Variants in CPEB1 observed in about 807,000 individuals in gnomAD.
The protein encoded by CPEB1 is cytoplasmic polyadenylation element-binding protein 1.
A neutral mutation model predicts 65.8 loss-of-function variants in CPEB1; 7 were observed. The ratio of observed to expected loss-of-function variants is 0.11; its 90% CI spans 0.06 to 0.20. The LOEUF is 0.20. Ranked by LOEUF, CPEB1 falls within the 10% of genes least tolerant of loss-of-function variation. The pLI is 1.00. For missense variants in CPEB1, 551 were observed against 712.2 expected, an observed-to-expected ratio of 0.77 and a Z score of 2.58; for synonymous variants, 262 against 260.0, an observed-to-expected ratio of 1.01 and a Z score of -0.08.
At chr15:82,566,397 T>C (rs992239019) in intron 4 of CPEB1, among the ~76,000 whole-genome samples, 5 of 152,152 alleles carry the variant, frequency 3.3e-5, no homozygotes, top group African/African-American at 1.2e-4. Context: ...CCATCCTTGG[T>C]TCTAGGTTGC....
At chr15:82,626,414 C>A (rs943280101) in intron 3 of CPEB1, among the ~76,000 whole-genome samples, 9 of 152,058 alleles carry the variant, frequency 5.9e-5, no homozygotes, top group Non-Finnish European at 1.0e-4. Flanking sequence ...AACCTGGCAA[C>A]AGAGTGAGAC....
chr15:82,594,428 T>A (rs1474414712), intron 3 of CPEB1, among the ~76,000 whole-genome samples: 1 of 152,132 alleles, frequency 6.6e-6, no homozygotes, highest in East Asian at 1.9e-4. Context: ...GCTTCCAAAT[T>A]TTCTTGTGCA....
chr15:82,597,391 T>C (rs1000826096), intron 3 of CPEB1, among the ~76,000 whole-genome samples: 3 of 152,226 alleles, frequency 2.0e-5, no homozygotes, highest in African/African-American at 7.2e-5. Flanking sequence ...GACTGAGCCC[T>C]GAACAAAGAG....
chr15:82,607,760 G>A (rs973140543), intron 3 of CPEB1, among the ~76,000 whole-genome samples: 4 of 152,024 alleles, frequency 2.6e-5, no homozygotes, highest in Non-Finnish European at 5.9e-5. Flanking sequence ...TATAATAAAA[G>A]GGTTAATCTA....
intron 10 of CPEB1, among the ~76,000 whole-genome samples, chr15:82,548,131 T>C (rs1252450142): frequency 5.9e-5 from 9 of 152,088 alleles, no homozygotes; most frequent in Admixed American, 5.9e-4. Context: ...GGTCAAGAGA[T>C]GGAGACCATC....
At chr15:82,547,671 T>C (rs542871788) in intron 10 of CPEB1, among the ~76,000 whole-genome samples, 1 of 146,610 alleles carries the variant, frequency 6.8e-6, no homozygotes, top group African/African-American at 2.4e-5. Context: ...TGAGCTACTA[T>C]GTAACTTTAT....
intron 3 of CPEB1, among the ~76,000 whole-genome samples, chr15:82,622,369 A>C (rs1347156972): frequency 6.6e-6 from 1 of 151,742 alleles, no homozygotes; most frequent in African/African-American, 2.4e-5. Context: ...CTTGTATATA[A>C]ACGGGGAATT....
chr15:82,604,100 G>C (rs1172576520), intron 3 of CPEB1, among the ~76,000 whole-genome samples: 1 of 152,168 alleles, frequency 6.6e-6, no homozygotes, highest in African/African-American at 2.4e-5. Context: ...TGTAATCCCA[G>C]CACTTTGAGA....
intron 1 of CPEB1, among the ~76,000 whole-genome samples, chr15:82,637,432 A>T (rs956478412): frequency 9.2e-5 from 14 of 152,096 alleles, no homozygotes; most frequent in African/African-American, 3.4e-4. Flanking sequence ...ACCTTTGTAA[A>T]CATCATCAGG....
intron 3 of CPEB1, among the ~76,000 whole-genome samples, chr15:82,575,485 GA>G (rs1567194817): frequency 1.3e-5 from 2 of 152,008 alleles, no homozygotes; most frequent in Admixed American, 6.6e-5. Context: ...TTATCACAAC[GA>G]AAAACTTCTG....
chr15:82,553,322 T>G (rs982414591), intron 8 of CPEB1, 145 bp downstream of exon 8: 1 of 636,226 alleles, frequency 1.6e-6, no homozygotes, highest in Non-Finnish European at 2.9e-6. Context: ...GAGAAAGTGC[T>G]GACAGATGGC....
chr15:82,545,750 G>A (rs1244577422), intron 12 of CPEB1, among the ~76,000 whole-genome samples: 1 of 152,132 alleles, frequency 6.6e-6, no homozygotes, highest in Non-Finnish European at 1.5e-5. Context: ...AAGTCGTCCA[G>A]AAGTTCAGAT....
chr15:82,590,559 A>C (rs1314396155), intron 3 of CPEB1, among the ~76,000 whole-genome samples: 2 of 152,104 alleles, frequency 1.3e-5, no homozygotes, highest in East Asian at 3.9e-4. Context: ...TTATATGAGT[A>C]AACTCGTGAA....
chr15:82,615,167 C>T (rs914260898), intron 3 of CPEB1, among the ~76,000 whole-genome samples: 2 of 152,128 alleles, frequency 1.3e-5, no homozygotes, highest in Admixed American at 6.5e-5. Flanking sequence ...TGTACCCTAT[C>T]TTTGTTTGGG....
chr15:82,627,130 G>A (rs1211385277), intron 3 of CPEB1, 63 bp downstream of exon 3: 17 of 1,296,668 alleles, frequency 1.3e-5, no homozygotes, highest in African/African-American at 7.5e-5. Flanking sequence ...CCTCTTACAT[G>A]CACTACTTAG....
chr15:82,579,926 A>T (rs1451464307), intron 3 of CPEB1, among the ~76,000 whole-genome samples: 2 of 39,084 alleles, frequency 5.1e-5, no homozygotes, highest in Non-Finnish European at 9.6e-5. Context: ...CTCAAAAAAA[A>T]AAAAAAAAAA....
At chr15:82,579,680 A>G (rs1040771597) in intron 3 of CPEB1, among the ~76,000 whole-genome samples, 1 of 151,680 alleles carries the variant, frequency 6.6e-6, no homozygotes, top group African/African-American at 2.4e-5. Context: ...TGGGAGGCCG[A>G]GACGGGTGGA....
intron 1 of CPEB1, among the ~76,000 whole-genome samples, chr15:82,630,907 C>T (rs2046191136): frequency 6.6e-6 from 1 of 152,018 alleles, no homozygotes; most frequent in African/African-American, 2.4e-5. Context: ...TTTCAATACA[C>T]AAAAATTAAC....
intron 5 of CPEB1, chr15:82,557,553 T>C: frequency 1.9e-6 from 1 of 537,148 alleles, no homozygotes; most frequent in South Asian, 2.9e-5. Flanking sequence ...CTGCAATGTA[T>C]TGCTCAATGG....
Sources: allele counts gnomAD v4.1 joint callset (sites outside exome capture counted in the v4.1 genomes callset), GRCh38; gene constraint gnomAD v4.1.1; transcripts MANE v1.5; gene names NCBI Gene and HGNC (gene_info 2026-07-23, HGNC 2026-07-21).